The following MYO10 variants were observed in gnomAD, a reference collection of about 807,000 sequenced individuals.
The protein encoded by MYO10 is myosin X.
In MYO10, 133 loss-of-function variants were observed where a neutral mutation model predicts 257.3. The ratio of observed to expected loss-of-function variants is 0.52; its 90% CI spans 0.45 to 0.60. The LOEUF is 0.60. MYO10 is among the 20% of genes least tolerant of loss of function. The pLI, the probability that MYO10 is intolerant of heterozygous loss-of-function variation, is 0.00. For missense variants in MYO10, 2,399 were observed against 2,635.7 expected, an observed-to-expected ratio of 0.91 and a Z score of 1.97; for synonymous variants, 1,104 against 1,028.6, an observed-to-expected ratio of 1.07 and a Z score of -1.40.
chr5:16,718,052 A>G (rs1738956919), intron 19 of MYO10, among the ~76,000 whole-genome samples: 1 of 152,080 alleles, frequency 6.6e-6, no homozygotes, highest in African/African-American at 2.4e-5. Context: ...CGGAGCAGCC[A>G]GCCAGCCCTG....
intron 26 of MYO10, among the ~76,000 whole-genome samples, chr5:16,698,305 G>A (rs1033108314): frequency 2.0e-5 from 3 of 152,154 alleles, no homozygotes; most frequent in East Asian, 1.9e-4. Context: ...AGGCTGCAGT[G>A]AGCCATGACC....
intron 21 of MYO10, among the ~76,000 whole-genome samples, chr5:16,707,426 G>C (rs917189775): frequency 6.6e-6 from 1 of 152,194 alleles, no homozygotes; most frequent in Admixed American, 6.5e-5. Flanking sequence ...TACCCACTCA[G>C]GCGCTGCTTG....
chr5:16,671,682 A>G (rs2126465444), intron 37 of MYO10, 140 bp from the exon 38 acceptor site: 1 of 1,082,536 alleles, frequency 9.2e-7, no homozygotes, highest in Non-Finnish European at 1.3e-6. Flanking sequence ...AGAGATGGGG[A>G]TAGAGGAATA....
rs746751894 is a variant in MYO10, at chr5:16,762,115, T to TAAAAAAAAAA, written c.1588-12_1588-3dup. ...GGGCTTCACATAAAAGTGGTTATTC[T>TAAAAAAAAAA]AAAAAAAAAAAAAAAAAAAAAAAAA... On this transcript the variant is annotated splice_polypyrimidine_tract_variant and splice_region_variant and intron_variant, in intron 15 of 40. Coordinates refer to ENST00000513610, the MANE Select transcript of MYO10 (RefSeq NM_012334.3). The TAAAAAAAAAA allele has an allele frequency of 9.0e-5, 51 of 567,596 alleles. No individual in the cohort carries two copies. Among genetic ancestry groups the TAAAAAAAAAA allele is most frequent in the African/African-American group, 2.7e-4 (8 of 29,924 alleles). 35.2% of individuals were successfully genotyped at this position (567,596 alleles called of 1,614,324 possible). A position where few individuals can be genotyped will look rare whatever the true frequency, so the allele number is the denominator to read the frequency against.
chr5:16,766,672 G>T (rs1005333997), intron 10 of MYO10, among the ~76,000 whole-genome samples: 1 of 151,990 alleles, frequency 6.6e-6, no homozygotes, highest in Non-Finnish European at 1.5e-5. Context: ...CCTCCACGTT[G>T]GCCAGGACGG....
intron 19 of MYO10, among the ~76,000 whole-genome samples, chr5:16,739,903 C>A (rs2126629907): frequency 6.6e-6 from 1 of 152,248 alleles, no homozygotes; most frequent in East Asian, 1.9e-4. Flanking sequence ...GGGGTGAACG[C>A]AAACCCCAGC....
chr5:16,747,196 G>A (rs1740220032), intron 19 of MYO10, among the ~76,000 whole-genome samples: 1 of 152,132 alleles, frequency 6.6e-6, no homozygotes, highest in Admixed American at 6.6e-5. Context: ...CAGGGCGAAG[G>A]AGCATGTCAG....
intron 21 of MYO10, among the ~76,000 whole-genome samples, chr5:16,705,810 C>A (rs1216238563): frequency 1.3e-5 from 2 of 152,170 alleles, no homozygotes; most frequent in African/African-American, 4.8e-5. Flanking sequence ...AAAACTCCAT[C>A]ACAAATCATT....
intron 17 of MYO10, among the ~76,000 whole-genome samples, chr5:16,758,753 A>G (rs1262370329): frequency 6.6e-6 from 1 of 152,178 alleles, no homozygotes; most frequent in Non-Finnish European, 1.5e-5. Flanking sequence ...GAAAATGGAG[A>G]TAATTTTTTA....
intron 17 of MYO10, 62 bp downstream of exon 17, chr5:16,761,402 A>G: frequency 7.6e-7 from 1 of 1,311,100 alleles, no homozygotes; most frequent in South Asian, 1.2e-5. Flanking sequence ...TTGTGAATTA[A>G]AAGCATTTGC....
At chr5:16,868,346 T>G (rs557996830) in intron 2 of MYO10, among the ~76,000 whole-genome samples, 1 of 152,318 alleles carries the variant, frequency 6.6e-6, no homozygotes, top group African/African-American at 2.4e-5. Context: ...GGCTCATGTC[T>G]GTAATCCCAG....
At chr5:16,670,290 AGAT>A (rs1736383573) in intron 39 of MYO10, among the ~76,000 whole-genome samples, 1 of 152,268 alleles carries the variant, frequency 6.6e-6, no homozygotes, top group Non-Finnish European at 1.5e-5. Flanking sequence ...GTAGAAGAAT[AGAT>A]GACATCTTAA....
Position 16,674,808 on chromosome 5 carries a change from G to A in MYO10, c.4964+45C>T, listed in dbSNP as rs777682025. 4.4e-6 allele frequency: 7 copies of A among 1,604,536 alleles called. No homozygotes were observed. The African/African-American group carries it at 9.4e-5, about 21-fold the overall frequency. ...AACGAGGACCCAGTGCCCCACCTGT[G>A]TAAGCAGCTCTGCCCAGCTCATCTC... On this transcript the variant is annotated intron_variant, in intron 35 of 40. Transcript: ENST00000513610.
intron 19 of MYO10, among the ~76,000 whole-genome samples, chr5:16,752,808 G>C (rs1259530837): frequency 6.6e-6 from 1 of 152,206 alleles, no homozygotes; most frequent in Non-Finnish European, 1.5e-5. Context: ...ACGTGACATA[G>C]TGTTATCTAT....
At chr5:16,882,482 C>A (rs1744781962) in intron 1 of MYO10, among the ~76,000 whole-genome samples, 1 of 151,688 alleles carries the variant, frequency 6.6e-6, no homozygotes. Flanking sequence ...TTCTTACCAG[C>A]AAAAATACTG....
At chr5:16,775,164 T>C (rs1384162323) in intron 9 of MYO10, among the ~76,000 whole-genome samples, 1 of 152,236 alleles carries the variant, frequency 6.6e-6, no homozygotes, top group East Asian at 1.9e-4. Context: ...CTTTTCATCC[T>C]GACCTAACAC....
chr5:16,867,136 G>A lies in MYO10; in HGVS notation c.120+10473C>T, dbSNP rs185837692. 4.7e-3 allele frequency among the ~76,000 whole-genome samples: 711 copies of A among 152,342 alleles called. 6 individuals are homozygous for A. Among genetic ancestry groups the A allele is most frequent in the Non-Finnish European group, 7.5e-3 (511 of 68,034 alleles). The stretch of plus-strand genomic sequence containing the variant: ...CTTCCCTAGCTGCTGGAACGTGTGG[G>A]CCTTCCTGGGCTCTCAGATAAGATT... On this transcript the variant is annotated intron_variant, in intron 2 of 40. Transcript: ENST00000513610.
chr5:16,766,058 T>C, intron 11 of MYO10, 22 bp downstream of exon 11: 2 of 1,554,204 alleles, frequency 1.3e-6, no homozygotes, highest in Non-Finnish European at 1.8e-6. Flanking sequence ...TAACGCAAGA[T>C]CAGATGGCAA....
intron 1 of MYO10, among the ~76,000 whole-genome samples, chr5:16,906,665 C>G (rs899689089): frequency 6.6e-6 from 1 of 152,142 alleles, no homozygotes; most frequent in South Asian, 2.1e-4. Flanking sequence ...ATGCCTATCT[C>G]GAAGGTCACT....
Sources: allele counts gnomAD v4.1 joint callset (sites outside exome capture counted in the v4.1 genomes callset), GRCh38; gene constraint gnomAD v4.1.1; transcripts MANE v1.5; gene names NCBI Gene and HGNC (gene_info 2026-07-23, HGNC 2026-07-21).